MAP3K1: variants seen among roughly 807,000 people sequenced by gnomAD.
MAP3K1 encodes the protein mitogen-activated protein kinase kinase kinase 1.
A neutral mutation model predicts 144.2 loss-of-function variants in MAP3K1; 36 were observed. That is an observed-to-expected ratio of 0.25 (90% CI 0.19 to 0.33). The LOEUF (loss-of-function observed/expected upper bound fraction) is 0.33, where lower values mean the gene tolerates loss of function less well. Among genes scored for constraint, MAP3K1 ranks in the 10% least tolerant of loss-of-function variants. The pLI is 1.00. For missense variants in MAP3K1, 1,650 were observed against 1,881.9 expected, an observed-to-expected ratio of 0.88 and a Z score of 2.28; for synonymous variants, 718 against 688.7, an observed-to-expected ratio of 1.04 and a Z score of -0.67.
intron 2 of MAP3K1, among the ~76,000 whole-genome samples, chr5:56,857,087 A>G (rs1747365681): frequency 6.6e-6 from 1 of 152,138 alleles, no homozygotes; most frequent in East Asian, 1.9e-4. Context: ...TAGATGTTTT[A>G]TCTCTAAGAC....
chr5:56,892,767 C>T (rs558123086), intron 19 of MAP3K1, among the ~76,000 whole-genome samples: 1 of 152,264 alleles, frequency 6.6e-6, no homozygotes, highest in South Asian at 2.1e-4. Flanking sequence ...GACACTATCT[C>T]TGCCTGGAGT....
chr5:56,864,993 T>G, intron 4 of MAP3K1, 59 bp downstream of exon 4: 1 of 1,402,436 alleles, frequency 7.1e-7, no homozygotes, highest in Non-Finnish European at 1.0e-6. Flanking sequence ...TACCTCAAAT[T>G]TATATACTAT....
At chr5:56,864,960 T>C (rs1747632420) in intron 4 of MAP3K1, 26 bp downstream of exon 4, 1 of 1,600,844 alleles carries the variant, frequency 6.2e-7, no homozygotes, top group East Asian at 2.2e-5. Flanking sequence ...ATTTTATACT[T>C]TATTAGTAGT....
At chr5:56,876,446 C>T (rs866565754) in intron 10 of MAP3K1, among the ~76,000 whole-genome samples, 3 of 152,152 alleles carry the variant, frequency 2.0e-5, no homozygotes, top group Admixed American at 1.3e-4. Context: ...CATCCTCTAC[C>T]GATTGGGCCT....
At chr5:56,851,743 C>G (rs1747179838) in intron 1 of MAP3K1, among the ~76,000 whole-genome samples, 1 of 152,198 alleles carries the variant, frequency 6.6e-6, no homozygotes, top group South Asian at 2.1e-4. Flanking sequence ...AAGGAACATT[C>G]CTGGACCAGG....
At chr5:56,817,325 T>C (rs1746009425) in intron 1 of MAP3K1, among the ~76,000 whole-genome samples, 1 of 152,228 alleles carries the variant, frequency 6.6e-6, no homozygotes, top group Admixed American at 6.5e-5. Flanking sequence ...CCTGTAGAAT[T>C]CCCTGACCTT....
At chr5:56,893,408 A>G (rs1748607198) in intron 19 of MAP3K1, 123 bp from the exon 20 acceptor site, 2 of 1,019,988 alleles carry the variant, frequency 2.0e-6, no homozygotes, top group Non-Finnish European at 3.0e-6. Context: ...AAATCCTCCC[A>G]CTTCTGCTTC....
chr5:56,826,817 G>T lies in MAP3K1; in HGVS notation c.482+10762G>T, dbSNP rs143930235. 8.5e-5 allele frequency among the ~76,000 whole-genome samples: 13 copies of T among 152,376 alleles called. No homozygotes were observed. In the East Asian group the frequency reaches 9.6e-4, roughly 11 times the overall value. The stretch of plus-strand genomic sequence containing the variant: ...TCAGTCCTGCTGTCACTCCTGAGGA[G>T]ATGTCCATGCCTTCAAGAAACACTC... On this transcript the variant is annotated intron_variant, in intron 1 of 19. Coordinates refer to ENST00000399503, the MANE Select transcript of MAP3K1 (RefSeq NM_005921.2).
At chr5:56,820,064 A>G (rs1358630624) in intron 1 of MAP3K1, among the ~76,000 whole-genome samples, 1 of 152,230 alleles carries the variant, frequency 6.6e-6, no homozygotes, top group Admixed American at 6.5e-5. Flanking sequence ...GGCTTAAAAC[A>G]TACTCATTGA....
intron 10 of MAP3K1, among the ~76,000 whole-genome samples, chr5:56,877,345 T>G (rs1748070333): frequency 6.6e-6 from 1 of 152,158 alleles, no homozygotes; most frequent in African/African-American, 2.4e-5. Context: ...CTTCTTAAGT[T>G]CAGACTGTTT....
At chr5:56,817,564 C>G (rs1746016170) in intron 1 of MAP3K1, among the ~76,000 whole-genome samples, 2 of 152,002 alleles carry the variant, frequency 1.3e-5, no homozygotes, top group South Asian at 4.1e-4. Context: ...GTGACTGATA[C>G]AGTTTTGTGT....
chr5:56,833,840 TTC>T (rs1746567374), intron 1 of MAP3K1, among the ~76,000 whole-genome samples: 1 of 152,176 alleles, frequency 6.6e-6, no homozygotes, highest in African/African-American at 2.4e-5. Context: ...CTAGATGGAC[TTC>T]TGTTCATTTA....
chr5:56,870,235 T>C (rs536567698), intron 6 of MAP3K1, among the ~76,000 whole-genome samples: 5 of 152,308 alleles, frequency 3.3e-5, no homozygotes, highest in South Asian at 2.1e-4. Flanking sequence ...CTGAAATTTA[T>C]AGATGTTGTA....
At chr5:56,848,811 A>G (rs778392152) in intron 1 of MAP3K1, among the ~76,000 whole-genome samples, 6 of 152,200 alleles carry the variant, frequency 3.9e-5, no homozygotes, top group Non-Finnish European at 8.8e-5. Context: ...ATATGAGTCA[A>G]TCAGAATCAC....
At chr5:56,877,662 T>C (rs1748082153) in intron 10 of MAP3K1, among the ~76,000 whole-genome samples, 1 of 152,186 alleles carries the variant, frequency 6.6e-6, no homozygotes, top group Non-Finnish European at 1.5e-5. Flanking sequence ...CACAATACTG[T>C]TTTGTACTAT....
At chr5:56,816,561 G>C (rs903273428) in intron 1 of MAP3K1, among the ~76,000 whole-genome samples, 4 of 152,198 alleles carry the variant, frequency 2.6e-5, no homozygotes, top group African/African-American at 9.6e-5. Flanking sequence ...AGAGAAAGTA[G>C]CAGGTCCCAG....
intron 1 of MAP3K1, among the ~76,000 whole-genome samples, chr5:56,845,282 C>G (rs555458289): frequency 6.6e-6 from 1 of 152,346 alleles, no homozygotes; most frequent in Admixed American, 6.5e-5. Context: ...TCAAACTGCA[C>G]TGCCACATTT....
At chr5:56,816,203 CGACCCCTTCGGAGTCGGGCGGCGCCCCG>C (rs1054477928) in intron 1 of MAP3K1, 148 bp downstream of exon 1, 2 of 838,546 alleles carry the variant, frequency 2.4e-6, no homozygotes, top group African/African-American at 3.6e-5. Context: ...GAGCACCCCC[CGACCCCTTCGGAGTCGGGCGGCGCCCCG>C]GACCCAGCCT....
At chr5:56,820,349 C>G (rs980195096) in intron 1 of MAP3K1, 1 of 817,982 alleles carries the variant, frequency 1.2e-6, no homozygotes, top group Non-Finnish European at 1.5e-6. Context: ...TCTGCTTCTT[C>G]CATTTTCTTT....
Sources: allele counts gnomAD v4.1 joint callset (sites outside exome capture counted in the v4.1 genomes callset), GRCh38; gene constraint gnomAD v4.1.1; transcripts MANE v1.5; gene names NCBI Gene and HGNC (gene_info 2026-07-23, HGNC 2026-07-21).